Variants in PLCB1 observed in about 807,000 individuals in gnomAD.
PLCB1 encodes 1-phosphatidylinositol 4,5-bisphosphate phosphodiesterase beta-1.
Under a neutral mutation model 161.8 loss-of-function variants are expected in PLCB1, and 46 were observed. That is an observed-to-expected ratio of 0.28 (90% CI 0.22 to 0.36). The LOEUF (loss-of-function observed/expected upper bound fraction) is 0.36, where lower values mean the gene tolerates loss of function less well. Among genes scored for constraint, PLCB1 ranks in the 10% least tolerant of loss-of-function variants. PLCB1 has a pLI of 1.00. For synonymous variants in PLCB1, 517 were observed against 503.7 expected (o/e 1.03, Z -0.35); for missense variants, 1,016 against 1,472.5 (o/e 0.69, Z 5.07).
chr20:8,534,884 G>A (rs1984980655), intron 3 of PLCB1, among the ~76,000 whole-genome samples: 2 of 152,088 alleles, frequency 1.3e-5, no homozygotes, highest in South Asian at 4.2e-4. Context: ...ACCACCGTGG[G>A]GAGCAGGAAG....
chr20:8,420,917 T>TA, intron 3 of PLCB1, among the ~76,000 whole-genome samples: 1 of 152,246 alleles, frequency 6.6e-6, no homozygotes, highest in East Asian at 1.9e-4. Context: ...TGGAAGTACA[T>TA]AAAATCTGTT....
chr20:8,779,937 T>C (rs781049356), intron 27 of PLCB1, among the ~76,000 whole-genome samples: 4 of 152,158 alleles, frequency 2.6e-5, no homozygotes, highest in Admixed American at 6.6e-5. Context: ...GTTGCTTTAG[T>C]CGGAAGTGAG....
In PLCB1 at chr20:8,132,661, G is replaced by A. The variant is rs1340979235; in HGVS notation, c.10G>A (p.Ala4Thr). The change falls in exon 1 of 32, where the codon GCT (alanine) becomes ACT (threonine). Residue 4 changes from alanine to threonine, a missense_variant. By Grantham distance (58) the Ala-to-Thr change is moderately conservative. Transcript: ENST00000338037. This position sits in a 1 kb window ranked among gnomAD's most constrained non-coding sequence, Gnocchi z 5.2. MAG[A>T]QPGVHALQLK... Reference sequence around the variant, plus strand: ...GCCCAGATGAGCCCAGATGGCCGGGGCTCAACCCGGAGTGCACGCCTTGCA... The same window carrying A: ...GCCCAGATGAGCCCAGATGGCCGGGACTCAACCCGGAGTGCACGCCTTGCA... The A allele has an allele frequency of 4.3e-6, 7 of 1,611,104 alleles. No individual in the cohort carries two copies. The Admixed American group carries it at 1.0e-4, about 23-fold the overall frequency.
chr20:8,846,204 G>T (rs1354455104), intron 31 of PLCB1, among the ~76,000 whole-genome samples: 1 of 152,072 alleles, frequency 6.6e-6, no homozygotes. Context: ...AGAGAATAAA[G>T]GGGGAGGTGC....
chr20:8,644,438 T>C (rs1989079439), intron 4 of PLCB1, among the ~76,000 whole-genome samples: 2 of 145,984 alleles, frequency 1.4e-5, no homozygotes, highest in South Asian at 4.4e-4. Flanking sequence ...GGAGCGCCTC[T>C]GCCCCGCCGC....
At chr20:8,168,913 C>T (rs1043052582) in intron 2 of PLCB1, among the ~76,000 whole-genome samples, 16 of 152,072 alleles carry the variant, frequency 1.1e-4, no homozygotes, top group Non-Finnish European at 1.3e-4. Context: ...CATTTCAGAC[C>T]GCTTCTCCTA....
chr20:8,245,312 A>G (rs1238016827), intron 2 of PLCB1, among the ~76,000 whole-genome samples: 3 of 151,872 alleles, frequency 2.0e-5, no homozygotes, highest in African/African-American at 7.3e-5. Flanking sequence ...ATGGGTGTAT[A>G]TGTGTACACC....
intron 24 of PLCB1, among the ~76,000 whole-genome samples, chr20:8,758,897 G>T (rs1401005238): frequency 6.6e-6 from 1 of 152,142 alleles, no homozygotes; most frequent in East Asian, 1.9e-4. Flanking sequence ...CATCTCACGG[G>T]ATCATGGGGC....
intron 3 of PLCB1, among the ~76,000 whole-genome samples, chr20:8,570,621 C>T (rs911240729): frequency 4.5e-5 from 3 of 67,096 alleles, no homozygotes; most frequent in Non-Finnish European, 1.1e-4. Context: ...GCAGCTGACA[C>T]CTACTTTGTT....
intron 25 of PLCB1, among the ~76,000 whole-genome samples, chr20:8,764,384 C>T (rs1183546890): frequency 6.6e-6 from 1 of 152,124 alleles, no homozygotes; most frequent in East Asian, 1.9e-4. Flanking sequence ...TTCTAAGCCT[C>T]CACAGGCACA....
chr20:8,543,834 C>T (rs1985432845), intron 3 of PLCB1, among the ~76,000 whole-genome samples: 1 of 152,246 alleles, frequency 6.6e-6, no homozygotes, highest in Non-Finnish European at 1.5e-5. Context: ...GGCTCATTCT[C>T]ATTCTCGCTC....
intron 3 of PLCB1, among the ~76,000 whole-genome samples, chr20:8,561,847 T>C (rs1051364846): frequency 6.6e-6 from 1 of 152,042 alleles, no homozygotes; most frequent in African/African-American, 2.4e-5. Flanking sequence ...TTTTTCTCTA[T>C]AAAATTAAGA....
At chr20:8,530,879 A>G (rs1046569962) in intron 3 of PLCB1, among the ~76,000 whole-genome samples, 1 of 152,014 alleles carries the variant, frequency 6.6e-6, no homozygotes, top group South Asian at 2.1e-4. Flanking sequence ...TTATTGAATA[A>G]TTATCTTTTT....
intron 23 of PLCB1, among the ~76,000 whole-genome samples, chr20:8,754,849 T>C (rs1194453054): frequency 6.6e-6 from 1 of 152,190 alleles, no homozygotes; most frequent in Non-Finnish European, 1.5e-5. Flanking sequence ...AGAAAATGCA[T>C]CCATGTACTC....
chr20:8,284,184 T>A (rs535874870), intron 2 of PLCB1, among the ~76,000 whole-genome samples: 1 of 152,242 alleles, frequency 6.6e-6, no homozygotes, highest in African/African-American at 2.4e-5. Context: ...TTCTTTTAAC[T>A]AGGTCTCCCC....
At chr20:8,214,182 G>C (rs1242534867) in intron 2 of PLCB1, among the ~76,000 whole-genome samples, 1 of 152,094 alleles carries the variant, frequency 6.6e-6, no homozygotes, top group Non-Finnish European at 1.5e-5. Flanking sequence ...GCTGATGAAA[G>C]TAGCTATGTA....
chr20:8,557,860 C>T (rs1350694322), intron 3 of PLCB1, among the ~76,000 whole-genome samples: 1 of 151,792 alleles, frequency 6.6e-6, no homozygotes, highest in Non-Finnish European at 1.5e-5. Context: ...ATGTCTTGTT[C>T]TCAACAAAAA....
intron 23 of PLCB1, among the ~76,000 whole-genome samples, chr20:8,755,928 C>T (rs568035706): frequency 6.6e-6 from 1 of 152,210 alleles, no homozygotes; most frequent in Non-Finnish European, 1.5e-5. Flanking sequence ...AGTTGCTAGG[C>T]AGGTGTCCTC....
intron 13 of PLCB1, 123 bp downstream of exon 13, chr20:8,716,471 A>C (rs1329547876): frequency 2.7e-6 from 2 of 745,198 alleles, no homozygotes; most frequent in Non-Finnish European, 4.7e-6. Context: ...TTGGTGATGA[A>C]ATCTTTGACA....
Sources: allele counts gnomAD v4.1 joint callset (sites outside exome capture counted in the v4.1 genomes callset), GRCh38; gene constraint gnomAD v4.1.1; non-coding constraint Gnocchi (gnomAD v3.1); transcripts MANE v1.5; gene names NCBI Gene and HGNC (gene_info 2026-07-23, HGNC 2026-07-21).